ENPP1: variants seen among roughly 807,000 people sequenced by gnomAD.
The protein encoded by ENPP1 is ectonucleotide pyrophosphatase/phosphodiesterase family member 1.
In ENPP1, 73 loss-of-function variants were observed where a neutral mutation model predicts 122.8. That is an observed-to-expected ratio of 0.59 (90% CI 0.49 to 0.72). ENPP1 has a LOEUF of 0.72. Among genes scored for constraint, ENPP1 ranks in the 30% least tolerant of loss-of-function variants. The pLI is 0.00. For synonymous variants in ENPP1, 367 were observed against 391.6 expected, an observed-to-expected ratio of 0.94 and a Z score of 0.74; for missense variants, 978 against 1,128.1, an observed-to-expected ratio of 0.87 and a Z score of 1.91.
intron 22 of ENPP1, 96 bp downstream of exon 22, chr6:131,883,870 GAATT>G (rs1449245320): frequency 7.1e-6 from 5 of 700,646 alleles, no homozygotes; most frequent in Non-Finnish European, 1.3e-5. Flanking sequence ...TAAATTAAAT[GAATT>G]AATACCAAAT....
In ENPP1 at chr6:131,851,280, T is replaced by C. The variant is rs775280078; in HGVS notation, c.556+13T>C. On this transcript the variant is annotated intron_variant, in intron 4 of 24. Coordinates refer to ENST00000647893, the MANE Select transcript of ENPP1 (RefSeq NM_006208.3). ...TCTGTGTGTCAAGGTCAGGTGCTCGTTGGGCTCTGCAGCAGCCTGGTATCT... is the reference window on the plus strand; with the variant it reads ...TCTGTGTGTCAAGGTCAGGTGCTCGCTGGGCTCTGCAGCAGCCTGGTATCT... The C allele has an allele frequency of 1.2e-5, 20 of 1,613,968 alleles. No individual in the cohort carries two copies. The highest frequency in any genetic ancestry group is 1.4e-5 in the Non-Finnish European group (17 of 1,179,968).
At position 131,872,931 on chromosome 6, in the gene ENPP1, A is replaced by G. The variant is rs376251655; in HGVS notation, c.1446A>G (p.Glu482=). Residue 482 remains glutamate, a synonymous_variant, in exon 15 of 25, where the codon GAA becomes GAG. Coordinates refer to ENST00000647893, the MANE Select transcript of ENPP1 (RefSeq NM_006208.3). ...EGIARNLSCR[E]PNQHFKPYLK... ...GCTGTTTGCAATTTCAGTGCCGGGA[A>G]CCAAACCAGCACTTCAAACCTTACC... The G allele has an allele frequency of 1.9e-6, 3 of 1,613,596 alleles. No individual in the cohort carries two copies. The African/African-American group carries it at 4.0e-5, about 22-fold the overall frequency.
intron 12 of ENPP1, 68 bp downstream of exon 12, chr6:131,868,194 C>A: frequency 8.4e-7 from 1 of 1,190,350 alleles, no homozygotes; most frequent in Non-Finnish European, 1.3e-6. Context: ...GATGGTTTCC[C>A]AATTTTTTCT....
intron 11 of ENPP1, among the ~76,000 whole-genome samples, chr6:131,866,507 C>G (rs1782094166): frequency 1.3e-5 from 2 of 152,180 alleles, no homozygotes; most frequent in African/African-American, 4.8e-5. Context: ...ACCATCTTCC[C>G]TTCATTTCCC....
intron 18 of ENPP1, among the ~76,000 whole-genome samples, chr6:131,878,199 A>T (rs77104303): frequency 1.3e-5 from 2 of 151,896 alleles, no homozygotes; most frequent in Non-Finnish European, 1.5e-5. Flanking sequence ...GTTCAAGACC[A>T]GACTGGGCAA....
intron 5 of ENPP1, among the ~76,000 whole-genome samples, chr6:131,854,376 G>A (rs1297563076): frequency 2.0e-5 from 3 of 152,106 alleles, no homozygotes; most frequent in African/African-American, 7.2e-5. Context: ...TAGCGCCACT[G>A]CACGGCAGCC....
chr6:131,848,792 G>A (rs986054544), intron 2 of ENPP1, among the ~76,000 whole-genome samples: 5 of 152,048 alleles, frequency 3.3e-5, no homozygotes, highest in African/African-American at 1.2e-4. Context: ...ATATTAATGA[G>A]CTCCAAGTAA....
intron 1 of ENPP1, among the ~76,000 whole-genome samples, chr6:131,813,055 G>T (rs913309178): frequency 1.3e-5 from 2 of 152,018 alleles, no homozygotes; most frequent in Admixed American, 6.5e-5. Context: ...TGCCCAGGCT[G>T]GTCTTGAACT....
chr6:131,877,286 T>C, intron 18 of ENPP1, 125 bp downstream of exon 18: 1 of 927,728 alleles, frequency 1.1e-6, no homozygotes, highest in Non-Finnish European at 1.7e-6. Flanking sequence ...AAACATATGT[T>C]TTAATTCTAG....
At chr6:131,866,266 G>T (rs561858362) in intron 11 of ENPP1, among the ~76,000 whole-genome samples, 1 of 152,010 alleles carries the variant, frequency 6.6e-6, no homozygotes, top group Non-Finnish European at 1.5e-5. Context: ...ATTTTCTAGG[G>T]CTTCACTCCC....
Position 131,826,845 on chromosome 6 carries a change from G to A in ENPP1, c.240+18570G>A, listed in dbSNP as rs7755415. On this transcript the variant is annotated intron_variant, in intron 1 of 24. Coordinates refer to ENST00000647893, the MANE Select transcript of ENPP1 (RefSeq NM_006208.3). The stretch of plus-strand genomic sequence containing the variant: ...TTGAGGGAGAACACAGCCTCCCTGT[G>A]TGGGGCAGAAAAGTTTCTCACATAG... 3,144 of 378,298 alleles carry A rather than the reference G, an allele frequency of 8.3e-3. 85 individuals carry two copies. The highest frequency in any genetic ancestry group is 0.06 in the African/African-American group (2,915 of 48,372). 23.4% of individuals were successfully genotyped at this position (378,298 alleles called of 1,614,324 possible). A position where few individuals can be genotyped will look rare whatever the true frequency, so the allele number is the denominator to read the frequency against.
At chr6:131,888,507 C>A (rs1296273676) in intron 24 of ENPP1, among the ~76,000 whole-genome samples, 1 of 152,102 alleles carries the variant, frequency 6.6e-6, no homozygotes, top group East Asian at 1.9e-4. Flanking sequence ...CTTCTCTGGG[C>A]CCAAGAGTAG....
intron 9 of ENPP1, among the ~76,000 whole-genome samples, chr6:131,862,852 T>C (rs561380377): frequency 1.3e-5 from 2 of 152,314 alleles, no homozygotes; most frequent in South Asian, 4.2e-4. Context: ...GTAGCTAATT[T>C]GTTAGTCCTA....
At position 131,852,747 on chromosome 6, in the gene ENPP1, T is replaced by C. The variant is rs571196979; in HGVS notation, c.617+512T>C. Among the ~76,000 whole-genome samples the C allele has an allele frequency of 2.6e-5, 4 of 152,312 alleles. No individual in the cohort carries two copies. In the East Asian group the frequency reaches 5.8e-4, roughly 22 times the overall value. ...CTTTTCAGGAAGGAAGGATCTTTAC[T>C]TTTATTTGGAGTTTTTAGAGCTGCT... On this transcript the variant is annotated intron_variant, in intron 5 of 24. Coordinates refer to ENST00000647893, the MANE Select transcript of ENPP1 (RefSeq NM_006208.3).
intron 1 of ENPP1, among the ~76,000 whole-genome samples, chr6:131,840,133 G>T (rs770911755): frequency 8.5e-5 from 13 of 152,194 alleles, no homozygotes; most frequent in African/African-American, 1.2e-4. Flanking sequence ...TAAAAGTGCA[G>T]ATAGATATGA....
At chr6:131,883,573 G>C in intron 21 of ENPP1, 121 bp from the exon 22 acceptor site, 1 of 620,704 alleles carries the variant, frequency 1.6e-6, no homozygotes, top group South Asian at 2.0e-5. Flanking sequence ...ACTTGGGAAA[G>C]TTTTACAGGT....
chr6:131,844,230 A>G (rs531795432), intron 1 of ENPP1, among the ~76,000 whole-genome samples: 4 of 152,374 alleles, frequency 2.6e-5, no homozygotes, highest in Admixed American at 6.5e-5. Context: ...ATTCTCTGAC[A>G]TGCACAAATT....
intron 1 of ENPP1, among the ~76,000 whole-genome samples, chr6:131,841,208 C>T (rs968487185): frequency 1.9e-4 from 29 of 152,074 alleles, no homozygotes; most frequent in Non-Finnish European, 2.8e-4. Context: ...TTTGAATCTC[C>T]CTTTGAATAT....
Position 131,808,701 on chromosome 6 carries a change from G to A in ENPP1, c.240+426G>A, listed in dbSNP as rs563211468. On this transcript the variant is annotated intron_variant, in intron 1 of 24. Coordinates refer to ENST00000647893, the MANE Select transcript of ENPP1 (RefSeq NM_006208.3). ...ATGACTTCACTTGGGTTAACTGATT[G>A]CAGTTGAAGAGTTAGCGGAGCTCTT... Among the ~76,000 whole-genome samples the A allele has an allele frequency of 1.8e-3, 276 of 152,318 alleles. 1 individual carries two copies. Among genetic ancestry groups the A allele is most frequent in the African/African-American group, 6.5e-3 (269 of 41,580 alleles).
Sources: gnomAD v4.1 joint callset for allele counts (sites outside exome capture counted in the v4.1 genomes callset) on GRCh38, gnomAD v4.1.1 for gene constraint, MANE v1.5 for transcripts, NCBI Gene and HGNC (gene_info 2026-07-23, HGNC 2026-07-21) for gene names.